Variants in EXOC6B observed in about 807,000 individuals in gnomAD.
EXOC6B encodes SEC15 homolog B.
A neutral mutation model predicts 113.5 loss-of-function variants in EXOC6B; 54 were observed. The observed-to-expected ratio is 0.48, with a 90% CI of 0.38 to 0.60. EXOC6B has a LOEUF of 0.60. EXOC6B is among the 20% of genes least tolerant of loss of function. The pLI, the probability that EXOC6B is intolerant of heterozygous loss-of-function variation, is 0.00. For missense variants in EXOC6B, 797 were observed against 977.5 expected, an observed-to-expected ratio of 0.82 and a Z score of 2.46; for synonymous variants, 357 against 339.0, an observed-to-expected ratio of 1.05 and a Z score of -0.58.
chr2:72,233,932 C>T (rs1559042980), intron 20 of EXOC6B, among the ~76,000 whole-genome samples: 1 of 151,838 alleles, frequency 6.6e-6, no homozygotes. Flanking sequence ...CAGCTGGAGG[C>T]TGTGGCCTTC....
intron 1 of EXOC6B, among the ~76,000 whole-genome samples, chr2:72,743,213 A>G (rs556044297): frequency 6.6e-6 from 1 of 152,116 alleles, no homozygotes; most frequent in Non-Finnish European, 1.5e-5. Flanking sequence ...TACCACCACA[A>G]TGGACCAATG....
intron 20 of EXOC6B, among the ~76,000 whole-genome samples, chr2:72,284,269 G>A (rs1041007851): frequency 1.3e-5 from 2 of 151,952 alleles, no homozygotes; most frequent in African/African-American, 4.8e-5. Flanking sequence ...TAAAAGAATC[G>A]TATACCATAA....
chr2:72,408,324 C>T (rs1196929916), intron 18 of EXOC6B, among the ~76,000 whole-genome samples: 4 of 152,184 alleles, frequency 2.6e-5, no homozygotes, highest in Non-Finnish European at 5.9e-5. Context: ...CCATCCTCAT[C>T]AAGCTACAAA....
intron 18 of EXOC6B, among the ~76,000 whole-genome samples, chr2:72,443,917 C>G (rs1282838781): frequency 6.6e-6 from 1 of 152,120 alleles, no homozygotes; most frequent in Admixed American, 6.5e-5. Flanking sequence ...CCTCCCAAAT[C>G]TCATATCCTC....
At chr2:72,750,693 G>A (rs1017238635) in intron 1 of EXOC6B, among the ~76,000 whole-genome samples, 3 of 152,076 alleles carry the variant, frequency 2.0e-5, no homozygotes, top group Non-Finnish European at 4.4e-5. Flanking sequence ...TCACAGAAGG[G>A]AGGTCTACAC....
intron 18 of EXOC6B, among the ~76,000 whole-genome samples, chr2:72,437,546 T>C (rs972883388): frequency 6.6e-6 from 1 of 152,198 alleles, no homozygotes; most frequent in South Asian, 2.1e-4. Flanking sequence ...GGGAGTTTTA[T>C]CTATAAGCCC....
At chr2:72,233,185 T>G (rs1202942170) in intron 20 of EXOC6B, among the ~76,000 whole-genome samples, 2 of 152,164 alleles carry the variant, frequency 1.3e-5, no homozygotes, top group African/African-American at 4.8e-5. Context: ...GGAATCATAT[T>G]TTTGTAATTA....
chr2:72,631,453 TATATATATAGAGAGAGAG>T (rs1672438091), intron 6 of EXOC6B, among the ~76,000 whole-genome samples: 6 of 33,958 alleles, frequency 1.8e-4, no homozygotes, highest in African/African-American at 5.3e-4. Flanking sequence ...TATATATATA[TATATATATAGAGAGAGAG>T]AGAGAGAGAG....
intron 18 of EXOC6B, among the ~76,000 whole-genome samples, chr2:72,438,446 A>G (rs1302536989): frequency 3.9e-5 from 6 of 152,172 alleles, no homozygotes; most frequent in African/African-American, 1.4e-4. Context: ...CCATCTCTAC[A>G]GAAAATTTAA....
intron 20 of EXOC6B, among the ~76,000 whole-genome samples, chr2:72,292,535 TTGTG>T (rs142332997): frequency 2.1e-4 from 28 of 134,120 alleles, no homozygotes; most frequent in Admixed American, 3.7e-4. Context: ...CATGCACGCT[TTGTG>T]TGTGTGTGTG....
intron 1 of EXOC6B, among the ~76,000 whole-genome samples, chr2:72,748,141 C>T (rs563192737): frequency 3.9e-5 from 6 of 152,084 alleles, no homozygotes; most frequent in South Asian, 4.1e-4. Flanking sequence ...TTCAGAACCA[C>T]GGAGAACTTC....
intron 19 of EXOC6B, among the ~76,000 whole-genome samples, chr2:72,369,556 C>A (rs992621004): frequency 2.0e-5 from 3 of 152,126 alleles, no homozygotes; most frequent in African/African-American, 7.2e-5. Context: ...ATTGCCAAGT[C>A]ACTCCTAAGC....
At chr2:72,470,616 C>G (rs557757932) in intron 17 of EXOC6B, among the ~76,000 whole-genome samples, 2 of 150,242 alleles carry the variant, frequency 1.3e-5, no homozygotes, top group South Asian at 2.1e-4. Flanking sequence ...ATCCCTCCCC[C>G]CTCCCCCTAC....
intron 8 of EXOC6B, 89 bp downstream of exon 8, chr2:72,559,364 T>C (rs574420248): frequency 1.1e-6 from 1 of 889,392 alleles, no homozygotes; most frequent in South Asian, 2.9e-5. Context: ...TCACTCTTAA[T>C]AATAAACAGA....
Position 72,575,791 on chromosome 2 carries a change from A to C in EXOC6B, c.670-123T>G. On this transcript the variant is annotated intron_variant, in intron 6 of 21. Coordinates refer to ENST00000272427, the MANE Select transcript of EXOC6B (RefSeq NM_015189.3). ...TTCAACAAACTTCTAATTTTGAACA[A>C]ATTGATATCTTAACGAAAATACTAC... is the stretch of plus-strand genomic sequence containing the variant. 3.5e-6 allele frequency: 3 copies of C among 851,608 alleles called. No homozygotes were observed. In the South Asian group the frequency reaches 7.6e-5, roughly 22 times the overall value. 52.8% of individuals were successfully genotyped at this position (851,608 alleles called of 1,614,324 possible).
chr2:72,379,750 A>G lies in EXOC6B; in HGVS notation c.2101T>C (p.Leu701=), dbSNP rs2105062950. The change falls in exon 19 of 22, where the codon TTG becomes CTG. Residue 701 remains leucine, a synonymous_variant. Coordinates refer to ENST00000272427, the MANE Select transcript of EXOC6B (RefSeq NM_015189.3). ...LTLGALQQFN[L]DVRECEQFAR... The stretch of plus-strand genomic sequence containing the variant: ...TTACGTTCACATTCTCTGACGTCCA[A>G]GTTGAACTGCTGTAATGCTCCCAAG... 6.2e-7 allele frequency: 1 copy of G among 1,612,216 alleles called. No individual in the cohort carries two copies. The highest frequency in any genetic ancestry group is 8.5e-7 in the Non-Finnish European group (1 of 1,178,988).
chr2:72,655,655 G>C (rs1400563147), intron 6 of EXOC6B, among the ~76,000 whole-genome samples: 1 of 151,902 alleles, frequency 6.6e-6, no homozygotes, highest in Admixed American at 6.6e-5. Flanking sequence ...CCTAAAAATA[G>C]AGAAACTCCA....
rs898998003 is a variant in EXOC6B, at chr2:72,730,947, G to A, written c.464+60C>T. ...AGTTATGCTAAATATGGACCTAAAC[G>A]TATTCTAAACAACAGAAATTTTAGA... On this transcript the variant is annotated intron_variant, in intron 5 of 21. Transcript: ENST00000272427. 44 of 1,204,306 alleles carry A rather than the reference G, an allele frequency of 3.7e-5. No homozygotes were observed. In the African/African-American group the frequency reaches 3.9e-4, roughly 11 times the overall value. 74.6% of individuals were successfully genotyped at this position (1,204,306 alleles called of 1,614,324 possible). A position where few individuals can be genotyped will look rare whatever the true frequency, so the allele number is the denominator to read the frequency against.
chr2:72,519,084 A>G (rs114386006), intron 8 of EXOC6B, among the ~76,000 whole-genome samples: 2,009 of 152,316 alleles, frequency 0.013, 54 homozygotes, highest in African/African-American at 0.046. Flanking sequence ...CCTACTTGCT[A>G]AAATTTATTT....
Sources: allele counts gnomAD v4.1 joint callset (sites outside exome capture counted in the v4.1 genomes callset), GRCh38; gene constraint gnomAD v4.1.1; transcripts MANE v1.5; gene names NCBI Gene and HGNC (gene_info 2026-07-23, HGNC 2026-07-21).